The following MACF1 variants were observed in gnomAD, a reference collection of about 807,000 sequenced individuals.
MACF1 encodes microtubule-actin cross-linking factor 1.
In MACF1, 193 loss-of-function variants were observed where a neutral mutation model predicts 854.8. That is an observed-to-expected ratio of 0.23 (90% CI 0.20 to 0.25). The LOEUF is 0.25. Ranked by LOEUF, MACF1 falls within the 10% of genes least tolerant of loss-of-function variation. MACF1 has a pLI of 1.00. For missense variants in MACF1, 7,722 were observed against 8,929.1 expected (o/e 0.86, Z 5.45); for synonymous variants, 3,185 against 3,226.7 (o/e 0.99, Z 0.44).
At chr1:39,457,518 C>T (rs1644464958) in intron 89 of MACF1, 1 of 152,398 alleles carries the variant, frequency 6.6e-6, no homozygotes, top group African/African-American at 2.4e-5. Context: ...AGCTGTAAAG[C>T]ATGGGTCTGA....
chr1:39,361,108 C>G, intron 48 of MACF1, 107 bp downstream of exon 48: 1 of 951,002 alleles, frequency 1.1e-6, no homozygotes, highest in Non-Finnish European at 1.6e-6. Context: ...TGTGAATCAT[C>G]TAATAAGATT....
Position 39,125,488 on chromosome 1 carries a change from C to T in MACF1, c.220+41050C>T, listed in dbSNP as rs917313547. Among the ~76,000 whole-genome samples the T allele has an allele frequency of 4.6e-5, 7 of 152,302 alleles. No homozygotes were observed. The East Asian group carries it at 1.2e-3, about 25-fold the overall frequency. On this transcript the variant is annotated intron_variant, in intron 2 of 93. Transcript: ENST00000361689. ...AAACATGCAGTGGATACTCAATATC[C>T]GTGAGTTGTCTTTTCTTCCTTCCAT...
chr1:39,085,055 T>C (rs893465662), intron 2 of MACF1, among the ~76,000 whole-genome samples: 5 of 152,300 alleles, frequency 3.3e-5, no homozygotes, highest in African/African-American at 1.2e-4. Context: ...TGTGCCCAGC[T>C]CTTTGCCAAG....
intron 2 of MACF1, among the ~76,000 whole-genome samples, chr1:39,188,298 G>A (rs1172830321): frequency 1.3e-5 from 2 of 151,998 alleles, no homozygotes; most frequent in Non-Finnish European, 2.9e-5. Context: ...ATGTGGTGGC[G>A]CATGGAGGCT....
intron 58 of MACF1, among the ~76,000 whole-genome samples, chr1:39,417,712 A>ATTTTTTTT (rs1643370130): frequency 1.5e-5 from 1 of 68,514 alleles, no homozygotes; most frequent in East Asian, 4.5e-4. Context: ...ACACCCAGTT[A>ATTTTTTTT]ATTTTTTTTT....
chr1:39,108,271 C>T (rs1234924701), intron 2 of MACF1, among the ~76,000 whole-genome samples: 1 of 152,094 alleles, frequency 6.6e-6, no homozygotes, highest in Admixed American at 6.6e-5. Flanking sequence ...TTCCCCAATT[C>T]TCTGACAGTC....
intron 71 of MACF1, 22 bp from the exon 72 acceptor site, chr1:39,439,252 T>C (rs1644051586): frequency 1.3e-6 from 2 of 1,481,660 alleles, no homozygotes; most frequent in East Asian, 4.5e-5. Context: ...CCTATTCATA[T>C]CTCTTTTTTT....
At chr1:39,464,909 CAA>C (rs5773660) in intron 94 of MACF1, 184 bp from the exon 95 acceptor site, 42,379 of 444,172 alleles carry the variant, frequency 0.095, no homozygotes, top group South Asian at 0.15. Context: ...GCGAGACTCT[CAA>C]AAAAAAAAAA....
At chr1:39,148,565 G>T (rs1643512139) in intron 2 of MACF1, among the ~76,000 whole-genome samples, 1 of 152,136 alleles carries the variant, frequency 6.6e-6, no homozygotes, top group Non-Finnish European at 1.5e-5. Flanking sequence ...AAAACAGTTT[G>T]TAACATGTTT....
intron 6 of MACF1, among the ~76,000 whole-genome samples, chr1:39,275,799 T>G (rs1387596404): frequency 6.6e-6 from 1 of 152,184 alleles, no homozygotes; most frequent in Non-Finnish European, 1.5e-5. Flanking sequence ...CCCTTTTACC[T>G]AACTCTAATA....
Position 39,340,834 on chromosome 1 carries a change from G to T in MACF1, c.10462G>T (p.Glu3488Ter), listed in dbSNP as rs769911982. ...AGTGTTAAATCAGCACACACAGCTA[G>T]AAGGCCGACTTCAAGATCTGAGAGC... The part of the protein sequence containing the change: ...TKVLNQHTQL[E>*]GRLQDLRAWV... The change falls in exon 40 of 101, where the codon GAA becomes TAA. Residue 3488 changes from glutamate (E) to a stop codon, truncating the protein, a stop_gained. Transcript: ENST00000564288. LOFTEE classifies it high-confidence loss of function. 1 of 1,613,816 alleles carries T rather than the reference G, an allele frequency of 6.2e-7. No homozygotes were observed. Among genetic ancestry groups the T allele is most frequent in the East Asian group, 2.2e-5 (1 of 44,880 alleles).
At chr1:39,305,915 ACT>A (rs953477191) in intron 23 of MACF1, among the ~76,000 whole-genome samples, 1 of 151,428 alleles carries the variant, frequency 6.6e-6, no homozygotes, top group African/African-American at 2.4e-5. Context: ...ACTGCATGCC[ACT>A]CTCTGTCTTC....
rs137940456 is a variant in MACF1 at position 39,381,277 on chromosome 1, G to A, written c.13649-676G>A. On this transcript the variant is annotated intron_variant, in intron 55 of 100. Coordinates refer to ENST00000564288, the MANE Select transcript of MACF1 (RefSeq NM_001394062.1). The stretch of plus-strand genomic sequence containing the variant: ...TCTCCATGTTGGTCAGGCTGGTCTC[G>A]AACTCCCGACCTCAAGTGATCCACC... Among the ~76,000 whole-genome samples, 1,151 of 148,304 alleles carry A rather than the reference G, an allele frequency of 7.8e-3. 10 individuals carry two copies. The highest frequency in any genetic ancestry group is 0.018 in the Middle Eastern group (5 of 282).
chr1:39,428,903 A>G (rs1643809830), intron 63 of MACF1, among the ~76,000 whole-genome samples: 1 of 152,094 alleles, frequency 6.6e-6, no homozygotes, highest in Non-Finnish European at 1.5e-5. Context: ...CTTCTCTTGA[A>G]CTTTCTGTTT....
intron 2 of MACF1, among the ~76,000 whole-genome samples, chr1:39,131,408 A>C (rs538073987): frequency 6.6e-6 from 1 of 150,686 alleles, no homozygotes; most frequent in East Asian, 1.9e-4. Context: ...TCCTGGCCTC[A>C]AGCTATCCTC....
chr1:39,291,881 A>G (rs1645797353), intron 15 of MACF1, 29 bp from the exon 16 acceptor site: 4 of 1,601,980 alleles, frequency 2.5e-6, no homozygotes, highest in South Asian at 1.1e-5. Flanking sequence ...GCAGTAAATT[A>G]TGTCATATAT....
At chr1:39,111,395 T>C (rs1259390614) in intron 2 of MACF1, among the ~76,000 whole-genome samples, 1 of 151,848 alleles carries the variant, frequency 6.6e-6, no homozygotes, top group Admixed American at 6.6e-5. Context: ...TATTTATTTA[T>C]TTTTGGAGAC....
rs768984279 is a variant in MACF1, at chr1:39,443,458, C to T, written c.19315C>T (p.His6439Tyr). Residue 6439 changes from histidine (H) to tyrosine (Y), a missense_variant, in exon 79 of 101, where the codon CAC becomes TAC. By Grantham distance (83) the His-to-Tyr change is moderately conservative. Around this residue, in one of 15 missense-constraint regions of MACF1, gnomAD observed 729 missense variants for 900.5 expected, o/e 0.81. Coordinates refer to ENST00000564288, the MANE Select transcript of MACF1 (RefSeq NM_001394062.1). ...QSTLQQAQGF[H>Y]SEIEDFLLEL... ...TTTTTCTCAAAAGGCCCAGGGCTTC[C>T]ACAGTGAAATTGAAGATTTCCTCTT... The T allele has an allele frequency of 9.3e-6, 15 of 1,611,928 alleles. No individual in the cohort carries two copies. Among genetic ancestry groups the T allele is most frequent in the Non-Finnish European group, 2.5e-6 (3 of 1,179,360 alleles).
chr1:39,327,995 GAT>G (rs1388253612), intron 36 of MACF1, among the ~76,000 whole-genome samples: 1 of 152,124 alleles, frequency 6.6e-6, no homozygotes, highest in Non-Finnish European at 1.5e-5. Flanking sequence ...GTGTCTCTGG[GAT>G]ATATATGTGT....
Sources: gnomAD v4.1 joint callset for allele counts (sites outside exome capture counted in the v4.1 genomes callset) on GRCh38, gnomAD v4.1.1 for gene constraint, gnomAD v4.1.1 regional missense constraint, MANE v1.5 for transcripts, NCBI Gene and HGNC (gene_info 2026-07-23, HGNC 2026-07-21) for gene names.